Variants in ANO2 observed in about 807,000 individuals in gnomAD.
ANO2 encodes the protein anoctamin 2, also known as anoctamin-2.
A neutral mutation model predicts 124.2 loss-of-function variants in ANO2; 101 were observed. The ratio of observed to expected loss-of-function variants is 0.81; its 90% CI spans 0.69 to 0.96. The LOEUF (loss-of-function observed/expected upper bound fraction) is 0.96. ANO2 is among the 40% of genes least tolerant of loss of function. The probability of loss-of-function intolerance (pLI) is 0.00; values close to 1 mark genes in which losing one functional copy is unlikely to be tolerated. For missense variants in ANO2, 1,293 were observed against 1,274.5 expected, an observed-to-expected ratio of 1.01 and a Z score of -0.22; for synonymous variants, 486 against 482.5, an observed-to-expected ratio of 1.01 and a Z score of -0.09.
intron 19 of ANO2, among the ~76,000 whole-genome samples, chr12:5,608,402 G>T (rs1398623166): frequency 6.6e-6 from 1 of 151,640 alleles, no homozygotes; most frequent in African/African-American, 2.4e-5. Context: ...CTACATCCTT[G>T]AATTTAACTA....
Position 5,636,503 on chromosome 12 carries a change from G to A in ANO2, c.1621-1156C>T, listed in dbSNP as rs1004003964. 1.3e-5 allele frequency among the ~76,000 whole-genome samples: 2 copies of A among 152,030 alleles called. No homozygotes were observed. The highest frequency in any genetic ancestry group is 2.1e-4 in the South Asian group (1 of 4,820). ...AAGCTGTTCAGGTCCTATTTCCTCC[G>A]CAGGACAGAGAATGGGCACTGGCTA... On this transcript the variant is annotated intron_variant, in intron 15 of 24. Coordinates refer to ENST00000682330, the MANE Select transcript of ANO2 (RefSeq NM_001364791.2). The surrounding 1 kb of genome is among the most constrained non-coding windows in gnomAD (Gnocchi z 4.6).
chr12:5,930,977 C>T (rs1166832378), intron 1 of ANO2, among the ~76,000 whole-genome samples: 1 of 152,112 alleles, frequency 6.6e-6, no homozygotes, highest in African/African-American at 2.4e-5. Context: ...CTGATGATGC[C>T]ACCACCACAG....
chr12:5,842,623 T>C (rs528564332), intron 4 of ANO2, among the ~76,000 whole-genome samples: 109 of 152,342 alleles, frequency 7.2e-4, no homozygotes, highest in African/African-American at 2.5e-3. Context: ...CCAGCATTTA[T>C]TTAGTGCCTG....
At chr12:5,899,568 T>C (rs1940037896) in intron 3 of ANO2, among the ~76,000 whole-genome samples, 1 of 152,242 alleles carries the variant, frequency 6.6e-6, no homozygotes, top group Non-Finnish European at 1.5e-5. Flanking sequence ...ATATATACAT[T>C]TGGCATGGAC....
intron 14 of ANO2, among the ~76,000 whole-genome samples, chr12:5,659,155 C>T (rs1428102771): frequency 6.6e-6 from 1 of 152,178 alleles, no homozygotes; most frequent in African/African-American, 2.4e-5. Context: ...CTCTCACAAA[C>T]AGCACCTACT....
At chr12:5,663,001 A>G (rs1216199897) in intron 14 of ANO2, among the ~76,000 whole-genome samples, 3 of 152,236 alleles carry the variant, frequency 2.0e-5, no homozygotes, top group African/African-American at 4.8e-5. Flanking sequence ...AGACACACTC[A>G]GAGCCACTAT....
intron 7 of ANO2, among the ~76,000 whole-genome samples, chr12:5,824,839 G>A (rs1198438910): frequency 1.3e-5 from 2 of 152,104 alleles, no homozygotes; most frequent in Admixed American, 1.3e-4. Context: ...TGGTGGGAGG[G>A]GAAAGGCACT....
chr12:5,874,131 G>T (rs756811090), intron 3 of ANO2, among the ~76,000 whole-genome samples: 1 of 152,196 alleles, frequency 6.6e-6, no homozygotes, highest in African/African-American at 2.4e-5. Flanking sequence ...AATCATAAAA[G>T]AGGCTAGGAA....
intron 23 of ANO2, 41 bp downstream of exon 23, chr12:5,575,793 C>A (rs1192168009): frequency 6.3e-7 from 1 of 1,593,194 alleles, no homozygotes; most frequent in Non-Finnish European, 8.6e-7. Flanking sequence ...GGATCTATTG[C>A]TTCTGGTCCT....
At chr12:5,940,178 C>A (rs1210770579) in intron 1 of ANO2, among the ~76,000 whole-genome samples, 1 of 152,132 alleles carries the variant, frequency 6.6e-6, no homozygotes, top group Non-Finnish European at 1.5e-5. Flanking sequence ...TGCCACATAT[C>A]GATGTTGTCA....
intron 19 of ANO2, among the ~76,000 whole-genome samples, chr12:5,606,282 T>C (rs986672927): frequency 5.9e-5 from 9 of 152,192 alleles, no homozygotes; most frequent in Non-Finnish European, 1.0e-4. Context: ...TTAGAGGCCC[T>C]TGGGAAGGAG....
At chr12:5,653,598 T>C (rs1016530949) in intron 14 of ANO2, among the ~76,000 whole-genome samples, 1 of 152,254 alleles carries the variant, frequency 6.6e-6, no homozygotes, top group Non-Finnish European at 1.5e-5. Flanking sequence ...GTTGTATTAC[T>C]CTTGTTTCTA....
chr12:5,587,374 C>T (rs985973011), intron 20 of ANO2, among the ~76,000 whole-genome samples: 4 of 152,086 alleles, frequency 2.6e-5, no homozygotes, highest in African/African-American at 7.2e-5. Context: ...TAAACTCTTC[C>T]GGGATTAAAC....
chr12:5,753,583 T>C (rs1305406289), intron 10 of ANO2, among the ~76,000 whole-genome samples: 3 of 152,330 alleles, frequency 2.0e-5, no homozygotes, highest in East Asian at 1.9e-4. Flanking sequence ...CAACGTTTTA[T>C]AGTTTTCAAT....
chr12:5,607,284 T>C (rs1229002776), intron 19 of ANO2, among the ~76,000 whole-genome samples: 2 of 152,202 alleles, frequency 1.3e-5, no homozygotes, highest in African/African-American at 4.8e-5. Flanking sequence ...CAAAAGCCTA[T>C]GCCACACAGT....
chr12:5,728,520 T>C (rs574024754), intron 14 of ANO2, among the ~76,000 whole-genome samples: 1 of 152,158 alleles, frequency 6.6e-6, no homozygotes, highest in African/African-American at 2.4e-5. Flanking sequence ...TAGAAAGATA[T>C]ACCACATTCA....
upstream of ANO2, chr12:5,946,180 T>G (rs763453232): frequency 1.1e-5 from 17 of 1,613,740 alleles, no homozygotes; most frequent in East Asian, 4.5e-5. This position sits in a 1 kb window ranked among gnomAD's most constrained non-coding sequence, Gnocchi z 4.1. Flanking sequence ...CTCTCCTATA[T>G]TGATAAGGTA....
intron 14 of ANO2, among the ~76,000 whole-genome samples, chr12:5,672,290 CA>C (rs1238845348): frequency 1.3e-5 from 2 of 152,172 alleles, no homozygotes; most frequent in Non-Finnish European, 2.9e-5. Flanking sequence ...GAAAAAAAGT[CA>C]AAACCAAGCT....
At chr12:5,573,529 A>G (rs2136833032) in intron 23 of ANO2, among the ~76,000 whole-genome samples, 1 of 152,202 alleles carries the variant, frequency 6.6e-6, no homozygotes. Flanking sequence ...GCTGGTCCAG[A>G]CCCTCTGTGC....
Sources: allele counts gnomAD v4.1 joint callset (sites outside exome capture counted in the v4.1 genomes callset), GRCh38; gene constraint gnomAD v4.1.1; non-coding constraint Gnocchi (gnomAD v3.1); transcripts MANE v1.5; gene names NCBI Gene and HGNC (gene_info 2026-07-23, HGNC 2026-07-21).